The following CRYL1 variants were observed in gnomAD, a reference collection of about 807,000 sequenced individuals.
The protein encoded by CRYL1 is lambda-crystallin homolog.
Under a neutral mutation model 36.6 loss-of-function variants are expected in CRYL1, and 29 were observed. That is an observed-to-expected ratio of 0.79 (90% CI 0.59 to 1.08). The LOEUF is 1.08. Among genes scored for constraint, CRYL1 ranks in the 50% least tolerant of loss-of-function variants. CRYL1 has a pLI of 0.00. For synonymous variants in CRYL1, 152 were observed against 151.5 expected (o/e 1.00, Z -0.02); for missense variants, 411 against 407.9 (o/e 1.01, Z -0.06).
Position 20,466,549 on chromosome 13 carries a change from G to T in CRYL1, c.276+22821C>A, listed in dbSNP as rs910486495. Among the ~76,000 whole-genome samples the T allele has an allele frequency of 2.0e-5, 3 of 152,150 alleles. No individual in the cohort carries two copies. The South Asian group carries it at 6.2e-4, about 31-fold the overall frequency. On this transcript the variant is annotated intron_variant, in intron 3 of 7. Coordinates refer to ENST00000298248, the MANE Select transcript of CRYL1 (RefSeq NM_015974.3). ...AAGCAGAAGCAGCTCAAATACACAA[G>T]CCCTTGAATAATCAGGGAAATGCAA...
At chr13:20,516,565 C>T (rs1176563081) in intron 1 of CRYL1, among the ~76,000 whole-genome samples, 2 of 151,686 alleles carry the variant, frequency 1.3e-5, no homozygotes, top group African/African-American at 2.4e-5. Flanking sequence ...CTGCAAGCTC[C>T]GCCTCCTGGG....
At chr13:20,438,485 C>G (rs779141492) in intron 4 of CRYL1, among the ~76,000 whole-genome samples, 3 of 152,166 alleles carry the variant, frequency 2.0e-5, no homozygotes, top group Non-Finnish European at 2.9e-5. Context: ...TTCAGAGTAA[C>G]CCTCACGATT....
At chr13:20,490,932 A>T (rs150267968) in intron 2 of CRYL1, among the ~76,000 whole-genome samples, 6 of 151,746 alleles carry the variant, frequency 4.0e-5, no homozygotes, top group African/African-American at 1.2e-4. Context: ...TTGAGACAGG[A>T]TCCTGCTCTG....
intron 4 of CRYL1, among the ~76,000 whole-genome samples, chr13:20,434,576 A>AC (rs2032163162): frequency 1.8e-5 from 1 of 55,332 alleles, no homozygotes. Flanking sequence ...CCCCCCACCC[A>AC]CCCCTACCGC....
rs755017631 is a variant in CRYL1 at position 20,484,106 on chromosome 13, G to T, written c.276+5264C>A. ...GCTGGGATTACAGGCGTGAGCCACC[G>T]CGCCTGGCCAAAATACAGCAATTAA... On this transcript the variant is annotated intron_variant, in intron 3 of 7. Coordinates refer to ENST00000298248, the MANE Select transcript of CRYL1 (RefSeq NM_015974.3). Among the ~76,000 whole-genome samples the T allele has an allele frequency of 5.9e-5, 9 of 152,320 alleles. No individual in the cohort carries two copies. In the East Asian group the frequency reaches 1.7e-3, roughly 29 times the overall value.
In CRYL1 at chr13:20,447,520, C is replaced by A. The variant is rs139116551; in HGVS notation, c.277-7766G>T. 3.8e-3 allele frequency among the ~76,000 whole-genome samples: 579 copies of A among 152,196 alleles called. 4 individuals carry two copies. Among genetic ancestry groups the A allele is most frequent in the African/African-American group, 0.013 (535 of 41,520 alleles). ...ACTAAATCAGAGCCCTTCCACCACC[C>A]CCCCTCCCTAGGCTGACAAGTATTA... On this transcript the variant is annotated intron_variant, in intron 3 of 7. Coordinates refer to ENST00000298248, the MANE Select transcript of CRYL1 (RefSeq NM_015974.3).
At chr13:20,510,528 G>T (rs12856564) in intron 2 of CRYL1, among the ~76,000 whole-genome samples, 1 of 152,028 alleles carries the variant, frequency 6.6e-6, no homozygotes, top group Non-Finnish European at 1.5e-5. Flanking sequence ...AGAGCAGTGG[G>T]ATTATTCTGT....
chr13:20,436,133 C>T lies in CRYL1; in HGVS notation c.438+3460G>A, dbSNP rs563595297. Among the ~76,000 whole-genome samples the T allele has an allele frequency of 6.6e-5, 10 of 152,268 alleles. No homozygotes were observed. The South Asian group carries it at 1.0e-3, about 16-fold the overall frequency. ...GAAAAGGCCACGCACAAGCAAGGGG[C>T]GGGGGAGCGGGCTAACTGGTGGCCT... is the stretch of plus-strand genomic sequence containing the variant. On this transcript the variant is annotated intron_variant, in intron 4 of 7. Coordinates refer to ENST00000298248, the MANE Select transcript of CRYL1 (RefSeq NM_015974.3).
chr13:20,463,365 C>T (rs1198499026), intron 3 of CRYL1, among the ~76,000 whole-genome samples: 2 of 151,260 alleles, frequency 1.3e-5, no homozygotes, highest in Non-Finnish European at 2.9e-5. Flanking sequence ...TGCAGTCTTA[C>T]TCCAAGTAAG....
chr13:20,453,622 CAAAG>C lies in CRYL1; in HGVS notation c.277-13872_277-13869del, dbSNP rs2032619137. Among the ~76,000 whole-genome samples the C allele has an allele frequency of 2.0e-5, 3 of 151,788 alleles. No individual in the cohort carries two copies. In the South Asian group the frequency reaches 6.2e-4, roughly 32 times the overall value. On this transcript the variant is annotated intron_variant, in intron 3 of 7. Coordinates refer to ENST00000298248, the MANE Select transcript of CRYL1 (RefSeq NM_015974.3). ...AAACTGAAAAAAAGCAAATTAAATA[CAAAG>C]AAAGGAAGAAGAAAACAATAAAAGT...
At chr13:20,469,250 T>A (rs932463418) in intron 3 of CRYL1, among the ~76,000 whole-genome samples, 2 of 152,242 alleles carry the variant, frequency 1.3e-5, no homozygotes, top group African/African-American at 4.8e-5. Flanking sequence ...AACCTAGGAC[T>A]TTCTTTTCAA....
At chr13:20,454,291 G>GT (rs1186052547) in intron 3 of CRYL1, among the ~76,000 whole-genome samples, 1 of 151,868 alleles carries the variant, frequency 6.6e-6, no homozygotes, top group African/African-American at 2.4e-5. Context: ...TGCAAGACTG[G>GT]TTCAACTTTT....
At chr13:20,420,701 T>TTTTTTTTTTTTTTTGTTTGTG in intron 5 of CRYL1, among the ~76,000 whole-genome samples, 1 of 21,840 alleles carries the variant, frequency 4.6e-5, no homozygotes, top group Non-Finnish European at 1.4e-4. Context: ...AAAATAGAGG[T>TTTTTTTTTTTTTTTGTTTGTG]TGTGTGTGTG....
rs1457340447 is a variant in CRYL1 at position 20,435,366 on chromosome 13, C to G, written c.439-3070G>C. Among the ~76,000 whole-genome samples, 1 of 151,916 alleles carries G rather than the reference C, an allele frequency of 6.6e-6. No homozygotes were observed. The highest frequency in any genetic ancestry group is 2.4e-5 in the African/African-American group (1 of 41,356). Reference sequence around the variant, plus strand: ...AGGACGCAGGGGCCAGCGACTGGGCCCCACGCAGCCCCCCAAAACAGACTT... The same window carrying G: ...AGGACGCAGGGGCCAGCGACTGGGCGCCACGCAGCCCCCCAAAACAGACTT... On this transcript the variant is annotated intron_variant, in intron 4 of 7. Transcript: ENST00000298248. The surrounding 1 kb of genome is among the most constrained non-coding windows in gnomAD (Gnocchi z 4.0).
chr13:20,510,878 CA>C (rs1156732531), intron 2 of CRYL1, among the ~76,000 whole-genome samples: 2 of 151,834 alleles, frequency 1.3e-5, no homozygotes, highest in Non-Finnish European at 2.9e-5. Context: ...GAATTTAATA[CA>C]GTAAGATTAC....
In CRYL1 at chr13:20,499,925, C is replaced by A. The variant is rs140003583; in HGVS notation, c.150-10429G>T. On this transcript the variant is annotated intron_variant, in intron 2 of 7. Transcript: ENST00000298248. ...CCACAATTGTTGTTTTGTGTTGATT[C>A]TTCACAAAAAGTGACTTATAATCAG... Among the ~76,000 whole-genome samples the A allele has an allele frequency of 1.2e-3, 177 of 152,276 alleles. 1 individual carries two copies. Among genetic ancestry groups the A allele is most frequent in the Middle Eastern group, 3.4e-3 (1 of 294 alleles).
chr13:20,412,705 C>G (rs772847455), intron 6 of CRYL1, among the ~76,000 whole-genome samples: 1 of 152,160 alleles, frequency 6.6e-6, no homozygotes, highest in Non-Finnish European at 1.5e-5. Context: ...TACCAGATCA[C>G]AGATAATGGG....
intron 6 of CRYL1, among the ~76,000 whole-genome samples, chr13:20,412,588 T>C (rs2031552081): frequency 6.6e-6 from 1 of 152,230 alleles, no homozygotes; most frequent in Non-Finnish European, 1.5e-5. Context: ...CTATAGGTTT[T>C]ATTGGTTATC....
chr13:20,499,064 CG>C (rs1565984524), intron 2 of CRYL1, among the ~76,000 whole-genome samples: 1 of 152,118 alleles, frequency 6.6e-6, no homozygotes, highest in Admixed American at 6.6e-5. Context: ...TTATTTAAGC[CG>C]GGCATGGTGG....
Sources: gnomAD v4.1 joint callset for allele counts (sites outside exome capture counted in the v4.1 genomes callset) on GRCh38, gnomAD v4.1.1 for gene constraint, Gnocchi (gnomAD v3.1) non-coding constraint, MANE v1.5 for transcripts, NCBI Gene and HGNC (gene_info 2026-07-23, HGNC 2026-07-21) for gene names.